The following CBLB variants were observed in gnomAD, a reference collection of about 807,000 sequenced individuals.
CBLB encodes the protein E3 ubiquitin-protein ligase CBL-B.
A neutral mutation model predicts 104.9 loss-of-function variants in CBLB; 31 were observed. The ratio of observed to expected loss-of-function variants is 0.30; its 90% CI spans 0.22 to 0.40. The LOEUF (loss-of-function observed/expected upper bound fraction) is 0.40, where lower values mean the gene tolerates loss of function less well. Ranked by LOEUF, CBLB falls within the 10% of genes least tolerant of loss-of-function variation. The pLI is 1.00. For missense variants in CBLB, 1,062 were observed against 1,214.6 expected, an observed-to-expected ratio of 0.87 and a Z score of 1.87; for synonymous variants, 440 against 422.6, an observed-to-expected ratio of 1.04 and a Z score of -0.51.
chr3:105,825,312 C>A (rs1185433482), intron 3 of CBLB, among the ~76,000 whole-genome samples: 1 of 152,104 alleles, frequency 6.6e-6, no homozygotes, highest in East Asian at 1.9e-4. Context: ...ATCTTCCACT[C>A]CAAATTCCCA....
Position 105,704,045 on chromosome 3 carries a change from A to G in CBLB, c.1536T>C (p.Asp512=). The stretch of plus-strand genomic sequence containing the variant: ...ATCTAACTATGCCTTTCTGAATTAG[A>G]TCCAGGCGAGGAGGCACGGGTGGCA... The part of the protein sequence containing the change: ...LSLPPVPPRL[D]LIQKGIVRSP... The change falls in exon 11 of 19, where the codon GAT becomes GAC. Residue 512 remains aspartate (D), a synonymous_variant. Transcript: ENST00000394030. 1 of 1,614,146 alleles carries G rather than the reference A, an allele frequency of 6.2e-7. No homozygotes were observed. The highest frequency in any genetic ancestry group is 8.5e-7 in the Non-Finnish European group (1 of 1,180,012).
chr3:105,838,938 C>G (rs571702617), intron 3 of CBLB, among the ~76,000 whole-genome samples: 5 of 152,302 alleles, frequency 3.3e-5, no homozygotes, highest in Non-Finnish European at 7.4e-5. Context: ...TGACTCGAGA[C>G]TGGAAGTGGA....
At chr3:105,670,985 T>C in intron 17 of CBLB, 3 of 173,960 alleles carry the variant, frequency 1.7e-5, no homozygotes, top group Non-Finnish European at 3.7e-5. Flanking sequence ...ATTTAGTAAT[T>C]AACATTTGAA....
intron 3 of CBLB, among the ~76,000 whole-genome samples, chr3:105,784,247 G>GA (rs1267652394): frequency 1.3e-5 from 2 of 151,934 alleles, no homozygotes; most frequent in African/African-American, 4.8e-5. Context: ...AGACAAAAAA[G>GA]AAAAAATAAT....
At chr3:105,690,585 A>G (rs1413352504) in intron 13 of CBLB, among the ~76,000 whole-genome samples, 3 of 152,146 alleles carry the variant, frequency 2.0e-5, no homozygotes, top group Non-Finnish European at 4.4e-5. Flanking sequence ...GCACTTTGGG[A>G]GTGTGAGGCG....
intron 4 of CBLB, among the ~76,000 whole-genome samples, chr3:105,755,060 C>T (rs2076964002): frequency 6.9e-6 from 1 of 145,462 alleles, no homozygotes; most frequent in Middle Eastern, 3.7e-3. Context: ...TTTTAGGGTA[C>T]ATGTATGTGC....
chr3:105,769,923 T>C (rs552017329), intron 4 of CBLB, among the ~76,000 whole-genome samples: 2 of 152,254 alleles, frequency 1.3e-5, no homozygotes, highest in Admixed American at 6.5e-5. Flanking sequence ...CAGAAGGTTG[T>C]TGGGGTAATG....
chr3:105,808,694 A>G (rs2083846713), intron 3 of CBLB, among the ~76,000 whole-genome samples: 1 of 152,222 alleles, frequency 6.6e-6, no homozygotes, highest in African/African-American at 2.4e-5. Flanking sequence ...GTTAAAGTAC[A>G]CTGAAGAAGA....
chr3:105,717,785 G>A (rs1215163310), intron 10 of CBLB, among the ~76,000 whole-genome samples: 1 of 152,098 alleles, frequency 6.6e-6, no homozygotes, highest in African/African-American at 2.4e-5. Flanking sequence ...GTGATGAAAT[G>A]ATTTCTACTA....
intron 3 of CBLB, among the ~76,000 whole-genome samples, chr3:105,813,798 GAAGCC>G (rs1379082999): frequency 6.6e-6 from 1 of 152,006 alleles, no homozygotes; most frequent in African/African-American, 2.4e-5. Context: ...TCAATAACAA[GAAGCC>G]AAGTGTGGTA....
chr3:105,714,640 G>C (rs940681178), intron 10 of CBLB, among the ~76,000 whole-genome samples: 1 of 152,204 alleles, frequency 6.6e-6, no homozygotes, highest in Non-Finnish European at 1.5e-5. Flanking sequence ...GGGAGTGGCT[G>C]TAAATACAGA....
At chr3:105,776,928 C>A (rs1228785484) in intron 3 of CBLB, among the ~76,000 whole-genome samples, 1 of 151,962 alleles carries the variant, frequency 6.6e-6, no homozygotes, top group Non-Finnish European at 1.5e-5. Flanking sequence ...AAAGATTTGC[C>A]ATCAGAGGAG....
chr3:105,740,482 T>C lies in CBLB; in HGVS notation c.983+12A>G, dbSNP rs1164558792. ...AATCATAAGCACTCCAACTTCCATT[T>C]CTCATACTTACAATCCTTCCCTGCT... On this transcript the variant is annotated intron_variant, in intron 7 of 18. Coordinates refer to ENST00000394030, the MANE Select transcript of CBLB (RefSeq NM_170662.5). The C allele has an allele frequency of 6.2e-7, 1 of 1,613,960 alleles. No individual in the cohort carries two copies. The highest frequency in any genetic ancestry group is 1.1e-5 in the South Asian group (1 of 91,078).
Position 105,670,342 on chromosome 3 carries a change from A to C in CBLB, c.2580T>G (p.Val860=), listed in dbSNP as rs1452706101. ...AAGGAACTTGGCCACTTGCTAGATCAACAAAGGGATCTTAAAAATAAAAAC... is the reference window on the plus strand; with the variant it reads ...AAGGAACTTGGCCACTTGCTAGATCCACAAAGGGATCTTAAAAATAAAAAC... ...DLFLLPSDPF[V]DLASGQVPLP... is the part of the protein sequence containing the mutation. The change falls in exon 18 of 19, where the codon GTT becomes GTG. Residue 860 remains valine, a synonymous_variant. Coordinates refer to ENST00000394030, the MANE Select transcript of CBLB (RefSeq NM_170662.5). 6.2e-7 allele frequency: 1 copy of C among 1,611,302 alleles called. No homozygotes were observed. The highest frequency in any genetic ancestry group is 1.7e-5 in the Admixed American group (1 of 59,930).
chr3:105,677,349 G>GT (rs2065775538), intron 17 of CBLB, among the ~76,000 whole-genome samples: 2 of 111,234 alleles, frequency 1.8e-5, no homozygotes, highest in Non-Finnish European at 3.6e-5. Flanking sequence ...ATCAAACCAA[G>GT]TAAAAAAAAA....
At chr3:105,865,994 T>C (rs2153158756) in intron 2 of CBLB, among the ~76,000 whole-genome samples, 1 of 152,334 alleles carries the variant, frequency 6.6e-6, no homozygotes, top group East Asian at 1.9e-4. Context: ...ATAGTCCTTA[T>C]TCTAAAGTAT....
intron 2 of CBLB, among the ~76,000 whole-genome samples, chr3:105,864,224 C>T (rs930813064): frequency 7.2e-5 from 11 of 152,268 alleles, no homozygotes; most frequent in Admixed American, 7.2e-4. Flanking sequence ...TGGCAATTAT[C>T]CATTTATGTG....
intron 3 of CBLB, among the ~76,000 whole-genome samples, chr3:105,834,549 A>G (rs575050359): frequency 5.1e-4 from 77 of 152,184 alleles, no homozygotes; most frequent in African/African-American, 1.8e-3. Context: ...CCAGCTACTC[A>G]GGAGGCTGAG....
In CBLB at chr3:105,658,865, CGAG is replaced by C. The variant is rs1374271573; in HGVS notation, c.*102_*104del. ...CCAAGCCTCTTCTCAAGCTGCTACA[CGAG>C]GAGGAGACACTTCTCTCTTGAATTC... is the stretch of plus-strand genomic sequence containing the variant. On this transcript the variant is annotated 3_prime_UTR_variant, in exon 19 of 19. Coordinates refer to ENST00000394030, the MANE Select transcript of CBLB (RefSeq NM_170662.5). 9.6e-6 allele frequency: 12 copies of C among 1,254,072 alleles called. No individual in the cohort carries two copies. The highest frequency in any genetic ancestry group is 1.3e-5 in the Non-Finnish European group (11 of 870,868). 77.7% of individuals were successfully genotyped at this position (1,254,072 alleles called of 1,614,324 possible).
Sources: gnomAD v4.1 joint callset for allele counts (sites outside exome capture counted in the v4.1 genomes callset) on GRCh38, gnomAD v4.1.1 for gene constraint, MANE v1.5 for transcripts, NCBI Gene and HGNC (gene_info 2026-07-23, HGNC 2026-07-21) for gene names.